The following KIAA0753 variants were observed in gnomAD, a reference collection of about 807,000 sequenced individuals.
KIAA0753 encodes the protein KIAA0753.
KIAA0753 carries 114 observed loss-of-function variants against 116.9 expected under a neutral mutation model. That is an observed-to-expected ratio of 0.98 (90% CI 0.84 to 1.14). The LOEUF (loss-of-function observed/expected upper bound fraction) is 1.14. Ranked by LOEUF, KIAA0753 falls within the 50% of genes most tolerant of loss-of-function variation. The pLI is 0.00. For missense variants in KIAA0753, 1,156 were observed against 1,172.4 expected (o/e 0.99, Z 0.20); for synonymous variants, 405 against 413.1 (o/e 0.98, Z 0.24).
intron 18 of KIAA0753, among the ~76,000 whole-genome samples, chr17:6,589,227 T>C (rs549449198): frequency 5.3e-5 from 8 of 152,182 alleles, no homozygotes; most frequent in Non-Finnish European, 2.9e-5. Flanking sequence ...GGTCCCTCAA[T>C]GGGATCAGTG....
chr17:6,599,559 T>G (rs1296432948), intron 13 of KIAA0753, among the ~76,000 whole-genome samples: 1 of 152,258 alleles, frequency 6.6e-6, no homozygotes. Flanking sequence ...AGCTGCATGC[T>G]TTATGCAAGT....
intron 4 of KIAA0753, 94 bp from the exon 5 acceptor site, chr17:6,623,665 T>C: frequency 6.9e-7 from 1 of 1,453,176 alleles, no homozygotes; most frequent in African/African-American, 1.4e-5. Context: ...CTTGTCCAAA[T>C]ATAACCATTA....
Position 6,622,938 on chromosome 17 carries a change from G to C in KIAA0753, c.1048C>G (p.Leu350Val), listed in dbSNP as rs369062086. 3.7e-6 allele frequency: 6 copies of C among 1,614,012 alleles called. No homozygotes were observed. The highest frequency in any genetic ancestry group is 4.2e-6 in the Non-Finnish European group (5 of 1,180,012). Residue 350 changes from leucine (L) to valine (V), a missense_variant, in exon 6 of 19, where the codon CTG (leucine) becomes GTG (valine). Coordinates refer to ENST00000361413, the MANE Select transcript of KIAA0753 (RefSeq NM_014804.3). ...IRQLSLCSVK[L>V]DADPSVPDVV... ...TCAGGAACAGAAGGGTCTGCATCCAGCTTGACAGAACAAAGTGAAAGCTGG... is the reference window on the plus strand; with the variant it reads ...TCAGGAACAGAAGGGTCTGCATCCACCTTGACAGAACAAAGTGAAAGCTGG...
intron 4 of KIAA0753, 40 bp downstream of exon 4, chr17:6,624,715 A>T: frequency 7.6e-7 from 1 of 1,319,504 alleles, no homozygotes; most frequent in Non-Finnish European, 1.1e-6. Flanking sequence ...GAAGCAGTAC[A>T]CAAGGCTGAC....
chr17:6,579,128 G>C lies in KIAA0753; in HGVS notation c.*619C>G, dbSNP rs1967960259. On this transcript the variant is annotated 3_prime_UTR_variant, in exon 19 of 19. Coordinates refer to ENST00000361413, the MANE Select transcript of KIAA0753 (RefSeq NM_014804.3). ...AACTAAAAATGTGAAAATCACCTAG[G>C]AATGGAACGTTGAAGAAATGTGTGT... The C allele has an allele frequency of 6.6e-6, 1 of 152,228 alleles. No homozygotes were observed. Among genetic ancestry groups the C allele is most frequent in the Non-Finnish European group, 1.5e-5 (1 of 68,048 alleles). The allele number at this position is 152,228 out of a possible 1,614,324, so 9.4% of individuals were successfully genotyped here.
rs1158000188 is a variant in KIAA0753, at chr17:6,589,928, A to C, written c.2637T>G (p.Asp879Glu). Residue 879 changes from aspartate (D) to glutamate (E), a missense_variant, in exon 18 of 19, where the codon GAT becomes GAG. By Grantham distance (45) the Asp-to-Glu change is conservative (BLOSUM62 2). Transcript: ENST00000361413. ...GAGCTCGGCCTTCTTTCTGTTGAGA[A>C]TCTTCGGCTAGGGAGAGAAGAGGGG... ...REAPLLSLAE[D>E]SQQKEGRAPL... The C allele has an allele frequency of 3.2e-5, 51 of 1,612,576 alleles. No homozygotes were observed. Among genetic ancestry groups the C allele is most frequent in the Non-Finnish European group, 4.2e-5 (50 of 1,179,560 alleles).
intron 5 of KIAA0753, 130 bp downstream of exon 5, chr17:6,623,379 A>T: frequency 1.4e-6 from 1 of 738,278 alleles, no homozygotes; most frequent in Non-Finnish European, 2.2e-6. Flanking sequence ...TAAGGTGCTC[A>T]CTCCCTCACT....
intron 18 of KIAA0753, among the ~76,000 whole-genome samples, chr17:6,581,960 A>G (rs1005690125): frequency 1.3e-5 from 2 of 152,190 alleles, no homozygotes; most frequent in African/African-American, 4.8e-5. Flanking sequence ...GTGCCTCTTC[A>G]TGGAGAACGG....
chr17:6,623,155 C>T, intron 5 of KIAA0753, 58 bp from the exon 6 acceptor site: 2 of 1,440,850 alleles, frequency 1.4e-6, no homozygotes, highest in Non-Finnish European at 1.9e-6. Context: ...CTAACATTCA[C>T]CCAACTTCTA....
chr17:6,586,839 T>G (rs1968612906), intron 18 of KIAA0753, among the ~76,000 whole-genome samples: 1 of 152,208 alleles, frequency 6.6e-6, no homozygotes, highest in African/African-American at 2.4e-5. Flanking sequence ...AGGAAAAAAC[T>G]CAGCTTTCTC....
Position 6,628,400 on chromosome 17 carries a change from T to C in KIAA0753, c.435A>G (p.Glu145=). 2 of 1,614,224 alleles carry C rather than the reference T, an allele frequency of 1.2e-6. No homozygotes were observed. The highest frequency in any genetic ancestry group is 1.7e-6 in the Non-Finnish European group (2 of 1,180,030). The change falls in exon 3 of 19, where the codon GAA becomes GAG. Residue 145 remains glutamate, a synonymous_variant. Coordinates refer to ENST00000361413, the MANE Select transcript of KIAA0753 (RefSeq NM_014804.3). ...TKYKIPDHRV[E]RKESKSQAAC... Reference sequence around the variant, plus strand: ...CTGCTTGACTCTTTGATTCCTTCCTTTCCACCCTGTGGTCGGGTATTTTAT... The same window carrying C: ...CTGCTTGACTCTTTGATTCCTTCCTCTCCACCCTGTGGTCGGGTATTTTAT...
intron 7 of KIAA0753, among the ~76,000 whole-genome samples, chr17:6,616,711 A>G (rs1437611475): frequency 1.3e-5 from 2 of 152,332 alleles, no homozygotes; most frequent in South Asian, 2.1e-4. Context: ...CTGTAATCCC[A>G]GCTATTTGGG....
chr17:6,634,227 G>A (rs12949767), intron 2 of KIAA0753, among the ~76,000 whole-genome samples: 42 of 151,408 alleles, frequency 2.8e-4, no homozygotes, highest in Middle Eastern at 3.4e-3. Flanking sequence ...CCCAGCCTCC[G>A]AAGTAGCTGG....
In KIAA0753 at chr17:6,587,855, G is replaced by A. The variant is rs144394635; in HGVS notation, c.2786+1924C>T. On this transcript the variant is annotated intron_variant, in intron 18 of 18. Transcript: ENST00000361413. ...CATAAATCTACAAAAAGAGACACAC[G>A]TGAGTGAGAAATGCCCAAGATTTTC... Among the ~76,000 whole-genome samples, 8 of 152,290 alleles carry A rather than the reference G, an allele frequency of 5.3e-5. No individual in the cohort carries two copies. In the East Asian group the frequency reaches 1.3e-3, roughly 26 times the overall value.
chr17:6,581,342 GT>G (rs1412359796), intron 18 of KIAA0753, among the ~76,000 whole-genome samples: 1 of 152,110 alleles, frequency 6.6e-6, no homozygotes, highest in Non-Finnish European at 1.5e-5. Flanking sequence ...AGGACATACG[GT>G]TTTGAAAGAG....
At chr17:6,589,694 C>G (rs1366624264) in intron 18 of KIAA0753, 85 bp downstream of exon 18, 2 of 1,025,524 alleles carry the variant, frequency 2.0e-6, no homozygotes, top group Middle Eastern at 6.4e-4. Context: ...GGGATAAGAC[C>G]TTGGCTAATG....
At chr17:6,597,465 C>A (rs1040725739) in intron 14 of KIAA0753, among the ~76,000 whole-genome samples, 1 of 152,020 alleles carries the variant, frequency 6.6e-6, no homozygotes, top group Non-Finnish European at 1.5e-5. Context: ...TGCAATGATA[C>A]AGAAAGAGCA....
At chr17:6,611,611 C>G (rs1353690368) in intron 8 of KIAA0753, among the ~76,000 whole-genome samples, 1 of 152,052 alleles carries the variant, frequency 6.6e-6, no homozygotes, top group Non-Finnish European at 1.5e-5. Context: ...TCTTAATCCC[C>G]TCAAGTCTCA....
intron 2 of KIAA0753, among the ~76,000 whole-genome samples, chr17:6,630,896 A>T (rs557361400): frequency 6.6e-6 from 1 of 152,222 alleles, no homozygotes; most frequent in Non-Finnish European, 1.5e-5. Context: ...ATATATATAC[A>T]TCTGAATCAC....
Sources: allele counts gnomAD v4.1 joint callset (sites outside exome capture counted in the v4.1 genomes callset), GRCh38; gene constraint gnomAD v4.1.1; transcripts MANE v1.5; gene names NCBI Gene and HGNC (gene_info 2026-07-23, HGNC 2026-07-21).